INIP: variants seen among roughly 807,000 people sequenced by gnomAD.
INIP encodes SOSS complex subunit C.
In INIP, 9 loss-of-function variants were observed where a neutral mutation model predicts 14.0. The ratio of observed to expected loss-of-function variants is 0.64; its 90% CI spans 0.39 to 1.12. INIP has a LOEUF of 1.12. Among genes scored for constraint, INIP ranks in the 50% most tolerant of loss-of-function variants. INIP has a pLI of 0.01. For synonymous variants in INIP, 37 were observed against 41.5 expected (o/e 0.89, Z 0.41); for missense variants, 78 against 122.7 (o/e 0.64, Z 1.72).
At chr9:112,696,143 T>C (rs1747576874) in intron 2 of INIP, among the ~76,000 whole-genome samples, 2 of 152,084 alleles carry the variant, frequency 1.3e-5, no homozygotes, top group South Asian at 4.1e-4. Context: ...CCTCCCACCT[T>C]AGTCTCACAA....
chr9:112,717,288 C>G (rs1838855002), intron 1 of INIP, among the ~76,000 whole-genome samples: 1 of 152,164 alleles, frequency 6.6e-6, no homozygotes, highest in African/African-American at 2.4e-5. Flanking sequence ...AGTACTGTAT[C>G]TGCTCTGCAC....
intron 2 of INIP, among the ~76,000 whole-genome samples, chr9:112,715,446 C>A (rs1305118758): frequency 6.6e-6 from 1 of 152,038 alleles, no homozygotes; most frequent in East Asian, 1.9e-4. Context: ...ATTTTTTTAA[C>A]TTTTTGACTT....
chr9:112,687,468 T>C lies in INIP; in HGVS notation c.*70A>G, dbSNP rs752984201. 2 of 945,862 alleles carry C rather than the reference T, an allele frequency of 2.1e-6. No homozygotes were observed. The highest frequency in any genetic ancestry group is 3.4e-6 in the Non-Finnish European group (2 of 579,828). 58.6% of individuals were successfully genotyped at this position (945,862 alleles called of 1,614,324 possible). ...CCAAAATTCTTAAAGTCACAGTTCA[T>C]GTAGCACTGAATGATAGTAGCTTTG... On this transcript the variant is annotated 3_prime_UTR_variant, in exon 5 of 5. Transcript: ENST00000374242.
chr9:112,696,767 A>G (rs1293562650), intron 2 of INIP, among the ~76,000 whole-genome samples: 2 of 152,210 alleles, frequency 1.3e-5, no homozygotes, highest in African/African-American at 4.8e-5. Context: ...TACTTTACTT[A>G]CATTCACTAG....
chr9:112,716,910 G>C (rs1431120367), intron 1 of INIP, among the ~76,000 whole-genome samples: 1 of 150,670 alleles, frequency 6.6e-6, no homozygotes, highest in Non-Finnish European at 1.5e-5. Context: ...AGCCGAGATC[G>C]CGCCACTGCA....
At chr9:112,692,542 C>T (rs999160340) in intron 3 of INIP, among the ~76,000 whole-genome samples, 1 of 152,096 alleles carries the variant, frequency 6.6e-6, no homozygotes, top group African/African-American at 2.4e-5. Context: ...CCTTAGCCTC[C>T]CAAAATGCTG....
intron 2 of INIP, among the ~76,000 whole-genome samples, chr9:112,697,881 C>T (rs1299931444): frequency 6.6e-6 from 1 of 152,134 alleles, no homozygotes; most frequent in Non-Finnish European, 1.5e-5. Flanking sequence ...TGAAAAATAC[C>T]TCCCAGTCTC....
intron 3 of INIP, among the ~76,000 whole-genome samples, chr9:112,692,581 G>T (rs79623506): frequency 0.014 from 2,075 of 152,170 alleles, 33 homozygotes; most frequent in Non-Finnish European, 0.014. Context: ...ACCATGCCCG[G>T]CAATAATGGA....
In INIP at chr9:112,692,595, G is replaced by A. The variant is rs542781409; in HGVS notation, c.128+1536C>T. The stretch of plus-strand genomic sequence containing the variant: ...CACCATGCCCGGCAATAATGGATCT[G>A]AGGGAAGATACTAAATATGGCAGAG... On this transcript the variant is annotated intron_variant, in intron 3 of 4. Coordinates refer to ENST00000374242, the MANE Select transcript of INIP (RefSeq NM_021218.3). 4.6e-5 allele frequency among the ~76,000 whole-genome samples: 7 copies of A among 152,104 alleles called. No homozygotes were observed. The South Asian group carries it at 1.2e-3, about 27-fold the overall frequency.
intron 3 of INIP, among the ~76,000 whole-genome samples, chr9:112,691,612 C>T (rs1030475255): frequency 2.6e-5 from 4 of 152,260 alleles, no homozygotes; most frequent in Non-Finnish European, 4.4e-5. Context: ...GGGCTGTCAG[C>T]ATTCAAGGGA....
chr9:112,714,051 G>A (rs554705392), intron 2 of INIP, among the ~76,000 whole-genome samples: 1 of 150,700 alleles, frequency 6.6e-6, no homozygotes, highest in Admixed American at 6.6e-5. Context: ...ATTCACAACA[G>A]CCAAAACTGA....
At chr9:112,691,780 T>A (rs542418964) in intron 3 of INIP, among the ~76,000 whole-genome samples, 127 of 152,056 alleles carry the variant, frequency 8.4e-4, no homozygotes, top group Non-Finnish European at 9.9e-4. Flanking sequence ...GAGGCCAAGG[T>A]GGGTGGATCA....
rs1297537076 is a variant in INIP at position 112,684,075 on chromosome 9, T to A, written c.*3463A>T. ...TATATTGCAACTCAAGTCTATAAAT[T>A]CTTTCATTCCTTCAACATATTGAAC... On this transcript the variant is annotated 3_prime_UTR_variant, in exon 5 of 5. Coordinates refer to ENST00000374242, the MANE Select transcript of INIP (RefSeq NM_021218.3). 1 of 152,254 alleles carries A rather than the reference T, an allele frequency of 6.6e-6. No homozygotes were observed. The highest frequency in any genetic ancestry group is 2.4e-5 in the African/African-American group (1 of 41,472). 9.4% of individuals were successfully genotyped at this position (152,254 alleles called of 1,614,324 possible).
At position 112,687,593 on chromosome 9, in the gene INIP, T is replaced by A; in HGVS notation, c.260A>T (p.Asp87Val). The A allele has an allele frequency of 6.2e-7, 1 of 1,609,272 alleles. No individual in the cohort carries two copies. Among genetic ancestry groups the A allele is most frequent in the Non-Finnish European group, 8.5e-7 (1 of 1,176,278 alleles). Residue 87 changes from aspartate (D) to valine (V), a missense_variant, in exon 5 of 5, where the codon GAC becomes GTC. Transcript: ENST00000374242. ...AAGAATAAGGTTCCCAAATGCAGAG[T>A]CTTGAGTGATGAAGTATCCAGATGA... ...AHSSGYFITQ[D>V]SAFGNLILPV...
intron 2 of INIP, among the ~76,000 whole-genome samples, chr9:112,696,560 T>C (rs1483817602): frequency 6.6e-6 from 1 of 152,166 alleles, no homozygotes; most frequent in Non-Finnish European, 1.5e-5. Flanking sequence ...TCTGATACTA[T>C]CTACCTGGAG....
intron 4 of INIP, among the ~76,000 whole-genome samples, chr9:112,688,987 A>G (rs1283445598): frequency 6.6e-6 from 1 of 152,222 alleles, no homozygotes; most frequent in African/African-American, 2.4e-5. Context: ...ATCTTAAATT[A>G]TTCAAGATGA....
intron 3 of INIP, among the ~76,000 whole-genome samples, chr9:112,693,521 G>A (rs2131286942): frequency 6.6e-6 from 1 of 152,292 alleles, no homozygotes; most frequent in East Asian, 1.9e-4. Context: ...TATAAGTAGA[G>A]TTCTAAGCCA....
At chr9:112,709,202 T>C (rs1035968895) in intron 2 of INIP, among the ~76,000 whole-genome samples, 4 of 152,090 alleles carry the variant, frequency 2.6e-5, no homozygotes, top group African/African-American at 9.7e-5. Context: ...TTCTCACATA[T>C]AAACTCACAG....
At chr9:112,706,915 AT>A (rs1305636990) in intron 2 of INIP, among the ~76,000 whole-genome samples, 2 of 151,472 alleles carry the variant, frequency 1.3e-5, no homozygotes, top group African/African-American at 2.4e-5. Flanking sequence ...CTATTTATTT[AT>A]TTATTTATTT....
Sources: gnomAD v4.1 joint callset for allele counts (sites outside exome capture counted in the v4.1 genomes callset) on GRCh38, gnomAD v4.1.1 for gene constraint, MANE v1.5 for transcripts, NCBI Gene and HGNC (gene_info 2026-07-23, HGNC 2026-07-21) for gene names.